Variants in COL5A2 observed in about 807,000 individuals in gnomAD.
COL5A2 encodes collagen alpha-2(V) chain.
COL5A2 carries 23 observed loss-of-function variants against 208.2 expected under a neutral mutation model. The observed-to-expected ratio is 0.11, with a 90% confidence interval of 0.08 to 0.16. COL5A2 has a LOEUF of 0.16. COL5A2 is among the 10% of genes least tolerant of loss of function. The pLI, the probability that COL5A2 is intolerant of heterozygous loss-of-function variation, is 1.00. For synonymous variants in COL5A2, 625 were observed against 628.5 expected (o/e 0.99, Z 0.08); for missense variants, 1,590 against 1,956.4 (o/e 0.81, Z 3.53).
chr2:189,214,263 G>A (rs1019698466), intron 1 of COL5A2, among the ~76,000 whole-genome samples: 4 of 151,866 alleles, frequency 2.6e-5, no homozygotes, highest in African/African-American at 9.7e-5. Flanking sequence ...TTATGTCCAG[G>A]AAAGTAGAAA....
the COL5A2 span, among the ~76,000 whole-genome samples, chr2:189,351,923 A>G: frequency 6.6e-6 from 1 of 152,062 alleles, no homozygotes; most frequent in East Asian, 1.9e-4. Flanking sequence ...CCTGTCATCT[A>G]CATTAGGTAT....
At chr2:189,423,388 C>T in the COL5A2 span, among the ~76,000 whole-genome samples, 2 of 149,824 alleles carry the variant, frequency 1.3e-5, no homozygotes, top group African/African-American at 4.9e-5. Context: ...TAATAAAGAT[C>T]AGAAAAGAAA....
chr2:189,039,982 T>G (rs1685525026), intron 50 of COL5A2, among the ~76,000 whole-genome samples: 1 of 152,182 alleles, frequency 6.6e-6, no homozygotes, highest in Non-Finnish European at 1.5e-5. Flanking sequence ...GAATAGTGGC[T>G]GCTGGTTCTA....
chr2:189,130,840 T>C (rs1687695666), intron 1 of COL5A2, among the ~76,000 whole-genome samples: 1 of 152,148 alleles, frequency 6.6e-6, no homozygotes, highest in Admixed American at 6.5e-5. Context: ...TATTTATTTT[T>C]ATTTATTCAA....
At chr2:189,398,201 T>C in the COL5A2 span, among the ~76,000 whole-genome samples, 1 of 152,138 alleles carries the variant, frequency 6.6e-6, no homozygotes, top group Admixed American at 6.5e-5. Context: ...TCTGATAAAA[T>C]GTGTTGAGCC....
chr2:189,169,808 T>C (rs893898729), intron 1 of COL5A2, among the ~76,000 whole-genome samples: 3 of 152,218 alleles, frequency 2.0e-5, no homozygotes, highest in Admixed American at 6.5e-5. Context: ...CCTCCCGGGT[T>C]CAAGCAATTC....
At chr2:189,280,467 C>T in the COL5A2 span, among the ~76,000 whole-genome samples, 1 of 151,896 alleles carries the variant, frequency 6.6e-6, no homozygotes, top group Non-Finnish European at 1.5e-5. Context: ...CATTTTTTGT[C>T]TTATTTCTTA....
intron 1 of COL5A2, among the ~76,000 whole-genome samples, chr2:189,221,214 G>A (rs1309472582): frequency 6.6e-6 from 1 of 152,190 alleles, no homozygotes; most frequent in East Asian, 1.9e-4. Context: ...AACACTCTGA[G>A]TTAGAAAAAA....
At chr2:189,056,562 A>C (rs1685905735) in intron 35 of COL5A2, among the ~76,000 whole-genome samples, 1 of 152,034 alleles carries the variant, frequency 6.6e-6, no homozygotes, top group African/African-American at 2.4e-5. Context: ...TTCTCACCCC[A>C]ACATCCAATA....
the COL5A2 span, among the ~76,000 whole-genome samples, chr2:189,383,712 A>G: frequency 3.9e-5 from 6 of 152,142 alleles, no homozygotes; most frequent in Admixed American, 3.9e-4. Context: ...AAATCAGGAT[A>G]TTTATTATAT....
At chr2:189,410,585 A>C in the COL5A2 span, among the ~76,000 whole-genome samples, 1 of 152,084 alleles carries the variant, frequency 6.6e-6, no homozygotes, top group Non-Finnish European at 1.5e-5. Flanking sequence ...AAGACCAAAT[A>C]ATTATCAAAT....
chr2:189,126,180 T>G (rs1016559699), intron 1 of COL5A2, among the ~76,000 whole-genome samples: 2 of 152,068 alleles, frequency 1.3e-5, no homozygotes, highest in Non-Finnish European at 2.9e-5. Context: ...AGCTTGTTCA[T>G]CTTAAGATTT....
In COL5A2 at chr2:189,085,200, G is replaced by A. The variant is rs1356679593; in HGVS notation, c.758C>T (p.Ser253Leu). ...GDPGPMGPIG[S>L]RGPEGPPGKP... ...ACCAGGAGGGCCCTCTGGTCCACGT[G>A]AACCAATCGGACCCTAATAACAGAA... The change falls in exon 11 of 54, where the codon TCA becomes TTA. Residue 253 changes from serine to leucine, a missense_variant. Transcript: ENST00000374866. 2 of 1,610,938 alleles carry A rather than the reference G, an allele frequency of 1.2e-6. No homozygotes were observed. The highest frequency in any genetic ancestry group is 1.3e-5 in the African/African-American group (1 of 74,944).
At chr2:189,318,068 T>C in the COL5A2 span, among the ~76,000 whole-genome samples, 2 of 152,126 alleles carry the variant, frequency 1.3e-5, no homozygotes, top group Admixed American at 1.3e-4. Flanking sequence ...TCTAGAAGAG[T>C]GCACAATATA....
rs72902380 is a variant in COL5A2 at position 189,052,366 on chromosome 2, C to T, written c.2716-141G>A. Reference sequence around the variant, plus strand: ...TAAGCAATATTTTTTTTTCTTCGTACGAATCCCATATTTTGGGGAATTAAT... The same window carrying T: ...TAAGCAATATTTTTTTTTCTTCGTATGAATCCCATATTTTGGGGAATTAAT... On this transcript the variant is annotated intron_variant, in intron 40 of 53. Transcript: ENST00000374866. 115,167 of 796,698 alleles carry T rather than the reference C, an allele frequency of 0.14. 8,907 individuals carry two copies. The highest frequency in any genetic ancestry group is 0.23 in the Middle Eastern group (623 of 2,744). 49.4% of individuals were successfully genotyped at this position (796,698 alleles called of 1,614,324 possible).
chr2:189,057,845 G>C (rs1392028606), intron 33 of COL5A2, among the ~76,000 whole-genome samples: 1 of 152,092 alleles, frequency 6.6e-6, no homozygotes, highest in African/African-American at 2.4e-5. Context: ...GTAGTAGACT[G>C]CATCAATCAC....
At chr2:189,268,147 T>C in the COL5A2 span, among the ~76,000 whole-genome samples, 3 of 152,180 alleles carry the variant, frequency 2.0e-5, no homozygotes, top group African/African-American at 7.2e-5. Context: ...CACAGTACTT[T>C]TGAAATAAAT....
the COL5A2 span, among the ~76,000 whole-genome samples, chr2:189,251,735 G>C: frequency 2.0e-5 from 3 of 150,270 alleles, no homozygotes; most frequent in Admixed American, 2.0e-4. Flanking sequence ...CAAAAGCAAA[G>C]TCAACAAAAG....
At chr2:189,384,961 C>T in the COL5A2 span, among the ~76,000 whole-genome samples, 2 of 152,010 alleles carry the variant, frequency 1.3e-5, no homozygotes, top group Non-Finnish European at 1.5e-5. Context: ...ATAATATTTG[C>T]TATTTATTTC....
Sources: allele counts gnomAD v4.1 joint callset (sites outside exome capture counted in the v4.1 genomes callset), GRCh38; gene constraint gnomAD v4.1.1; transcripts MANE v1.5; gene names NCBI Gene and HGNC (gene_info 2026-07-23, HGNC 2026-07-21).